CDH12: variants seen among roughly 807,000 people sequenced by gnomAD.
CDH12 encodes the protein cadherin 12.
Under a neutral mutation model 74.1 loss-of-function variants are expected in CDH12, and 41 were observed. That is an observed-to-expected ratio of 0.55 (90% CI 0.43 to 0.72). CDH12 has a LOEUF of 0.72. Among genes scored for constraint, CDH12 ranks in the 30% least tolerant of loss-of-function variants. The pLI, the probability that CDH12 is intolerant of heterozygous loss-of-function variation, is 0.00. For missense variants in CDH12, 945 were observed against 977.2 expected (o/e 0.97, Z 0.44); for synonymous variants, 399 against 355.0 (o/e 1.12, Z -1.39).
chr5:22,732,888 A>G (rs1345759884), intron 1 of CDH12, among the ~76,000 whole-genome samples: 1 of 151,932 alleles, frequency 6.6e-6, no homozygotes, highest in Non-Finnish European at 1.5e-5. Context: ...AGTTTGTGGT[A>G]CTGATACAGC....
intron 11 of CDH12, among the ~76,000 whole-genome samples, chr5:21,779,712 A>T (rs1382680443): frequency 6.6e-6 from 1 of 152,214 alleles, no homozygotes; most frequent in Non-Finnish European, 1.5e-5. Flanking sequence ...AGGTATACTT[A>T]AGCAATTTCA....
intron 2 of CDH12, among the ~76,000 whole-genome samples, chr5:22,450,743 A>G (rs1056714845): frequency 6.6e-6 from 1 of 151,850 alleles, no homozygotes; most frequent in Non-Finnish European, 1.5e-5. Flanking sequence ...TCCTATTTCA[A>G]ATAAAATCCA....
intron 6 of CDH12, among the ~76,000 whole-genome samples, chr5:21,955,843 A>C (rs1371718411): frequency 6.6e-6 from 1 of 152,062 alleles, no homozygotes; most frequent in African/African-American, 2.4e-5. Flanking sequence ...AGGTGGTCCT[A>C]CTCATACACT....
chr5:21,946,029 C>A (rs1274088494), intron 6 of CDH12, among the ~76,000 whole-genome samples: 2 of 151,378 alleles, frequency 1.3e-5, no homozygotes, highest in Non-Finnish European at 2.9e-5. Context: ...AGAAAAATGG[C>A]ACATTTCTTA....
chr5:22,801,674 T>C (rs1212471972), intron 1 of CDH12, among the ~76,000 whole-genome samples: 2 of 105,872 alleles, frequency 1.9e-5, no homozygotes, highest in Non-Finnish European at 3.6e-5. Flanking sequence ...TATATATATA[T>C]ATATATATAT....
At chr5:22,213,873 C>T (rs1393175136) in intron 3 of CDH12, 1 of 152,106 alleles carries the variant, frequency 6.6e-6, no homozygotes, top group East Asian at 1.9e-4. Flanking sequence ...TGTTTTTTTC[C>T]AGTGGGTCTC....
intron 6 of CDH12, among the ~76,000 whole-genome samples, chr5:21,927,086 C>T (rs897807716): frequency 4.6e-5 from 7 of 152,090 alleles, no homozygotes; most frequent in Admixed American, 2.0e-4. Flanking sequence ...TGTGTATTTC[C>T]GTCAGCCACA....
rs116795344 is a variant in CDH12 at position 21,847,710 on chromosome 5, A to G, written c.647-5382T>C. Among the ~76,000 whole-genome samples the G allele has an allele frequency of 7.8e-4, 119 of 152,216 alleles. 1 individual carries two copies. Among genetic ancestry groups the G allele is most frequent in the Admixed American group, 2.0e-3 (30 of 15,260 alleles). On this transcript the variant is annotated intron_variant, in intron 7 of 14. Transcript: ENST00000382254. ...GAACCTTAATTCTTCTTTGCCATGT[A>G]ATATAACATATTCACAGGTCCTGGG...
At chr5:22,369,895 GATCA>G (rs1741202557) in intron 3 of CDH12, among the ~76,000 whole-genome samples, 1 of 152,056 alleles carries the variant, frequency 6.6e-6, no homozygotes, top group Non-Finnish European at 1.5e-5. Context: ...GAAAATTTGT[GATCA>G]ATCACATTTT....
intron 6 of CDH12, chr5:21,883,527 C>A (rs1490516610): frequency 1.2e-6 from 2 of 1,612,340 alleles, no homozygotes; most frequent in Non-Finnish European, 1.7e-6. Flanking sequence ...AAAGAACCAA[C>A]TTAAAGATAT....
At chr5:22,517,458 A>T (rs1230407274) in intron 1 of CDH12, among the ~76,000 whole-genome samples, 2 of 152,198 alleles carry the variant, frequency 1.3e-5, no homozygotes, top group Non-Finnish European at 2.9e-5. Flanking sequence ...AGGGAATTTT[A>T]AAAAATATTT....
intron 1 of CDH12, among the ~76,000 whole-genome samples, chr5:22,752,690 G>A (rs961051795): frequency 2.3e-5 from 2 of 85,836 alleles, no homozygotes; most frequent in East Asian, 7.1e-4. Context: ...TCCTGCCTCA[G>A]CCTCCCTAGT....
At chr5:22,549,007 A>C (rs548736913) in intron 1 of CDH12, among the ~76,000 whole-genome samples, 11 of 152,112 alleles carry the variant, frequency 7.2e-5, no homozygotes, top group Non-Finnish European at 1.5e-4. Flanking sequence ...TTGCATGATC[A>C]TAGCTCACTG....
intron 1 of CDH12, among the ~76,000 whole-genome samples, chr5:22,780,778 CT>C (rs567435397): frequency 2.0e-5 from 3 of 151,908 alleles, no homozygotes; most frequent in Admixed American, 2.0e-4. Context: ...CTGTTTCTCT[CT>C]TTTTTTTAAG....
intron 4 of CDH12, among the ~76,000 whole-genome samples, chr5:22,125,388 G>T (rs1745792036): frequency 6.6e-6 from 1 of 152,090 alleles, no homozygotes; most frequent in African/African-American, 2.4e-5. Context: ...GTGTTAGTTT[G>T]CTGAGAATGA....
intron 1 of CDH12, among the ~76,000 whole-genome samples, chr5:22,770,039 T>G (rs1746726129): frequency 6.6e-6 from 1 of 151,504 alleles, no homozygotes; most frequent in Non-Finnish European, 1.5e-5. Context: ...TGGGTTGCGC[T>G]GACTTTTTTT....
intron 3 of CDH12, among the ~76,000 whole-genome samples, chr5:22,267,147 C>T (rs1736159131): frequency 6.6e-6 from 1 of 151,976 alleles, no homozygotes; most frequent in African/African-American, 2.4e-5. Flanking sequence ...TATCTTAGGG[C>T]TATTAATGCA....
intron 1 of CDH12, among the ~76,000 whole-genome samples, chr5:22,752,198 GT>G: frequency 6.6e-6 from 1 of 151,994 alleles, no homozygotes; most frequent in Non-Finnish European, 1.5e-5. Context: ...TTCCCCATGG[GT>G]AATCCCATTA....
At chr5:22,237,370 G>T (rs1049935079) in intron 3 of CDH12, among the ~76,000 whole-genome samples, 5 of 152,104 alleles carry the variant, frequency 3.3e-5, no homozygotes, top group South Asian at 2.1e-4. Context: ...CTGAGTGTTT[G>T]TGTACCCCCA....
Sources: allele counts gnomAD v4.1 joint callset (sites outside exome capture counted in the v4.1 genomes callset), GRCh38; gene constraint gnomAD v4.1.1; transcripts MANE v1.5; gene names NCBI Gene and HGNC (gene_info 2026-07-23, HGNC 2026-07-21).